SPTBN1: variants seen among roughly 807,000 people sequenced by gnomAD.
SPTBN1 encodes the protein spectrin beta, non-erythrocytic 1, also known as spectrin beta chain, non-erythrocytic 1.
In SPTBN1, 32 loss-of-function variants were observed where a neutral mutation model predicts 266.4. That is an observed-to-expected ratio of 0.12 (90% CI 0.09 to 0.16). The LOEUF (loss-of-function observed/expected upper bound fraction) is 0.16. Ranked by LOEUF, SPTBN1 falls within the 10% of genes least tolerant of loss-of-function variation. The pLI, the probability that SPTBN1 is intolerant of heterozygous loss-of-function variation, is 1.00. For synonymous variants in SPTBN1, 1,336 were observed against 1,162.2 expected, an observed-to-expected ratio of 1.15 and a Z score of -3.04; for missense variants, 2,296 against 3,067.1, an observed-to-expected ratio of 0.75 and a Z score of 5.94.
At chr2:54,608,912 A>G (rs1284341302) in intron 3 of SPTBN1, among the ~76,000 whole-genome samples, 1 of 152,146 alleles carries the variant, frequency 6.6e-6, no homozygotes. Context: ...TAAGCTAGGG[A>G]AAAGAAAATG....
chr2:54,628,787 A>C lies in SPTBN1; in HGVS notation c.1799-146A>C, dbSNP rs961139970. The stretch of plus-strand genomic sequence containing the variant: ...TAGTCAAGTTGTTAGAAGGTGCTCC[A>C]TTGCCTTATCGCATGGCCCTGCATT... On this transcript the variant is annotated intron_variant, in intron 13 of 35. Coordinates refer to ENST00000356805, the MANE Select transcript of SPTBN1 (RefSeq NM_003128.3). The surrounding 1 kb of genome is among the most constrained non-coding windows in gnomAD (Gnocchi z 4.3). The C allele has an allele frequency of 8.3e-6, 9 of 1,083,352 alleles. No homozygotes were observed. The highest frequency in any genetic ancestry group is 1.0e-5 in the Non-Finnish European group (8 of 778,740). 67.1% of individuals were successfully genotyped at this position (1,083,352 alleles called of 1,614,324 possible).
chr2:54,569,267 A>G (rs1409984446), intron 2 of SPTBN1, among the ~76,000 whole-genome samples: 1 of 152,178 alleles, frequency 6.6e-6, no homozygotes, highest in African/African-American at 2.4e-5. Flanking sequence ...TGAAAGCAGC[A>G]GTACTGGAGA....
intron 1 of SPTBN1, among the ~76,000 whole-genome samples, chr2:54,509,362 C>T (rs537753774): frequency 8.5e-5 from 13 of 152,050 alleles, no homozygotes; most frequent in Admixed American, 1.3e-4. Flanking sequence ...CTGAAGGAGC[C>T]GGGGAGCAGA....
intron 1 of SPTBN1, chr2:54,457,263 T>C (rs929836064): frequency 6.7e-6 from 1 of 150,230 alleles, no homozygotes; most frequent in African/African-American, 2.4e-5. Flanking sequence ...CACCCTCTCT[T>C]CAACAGGTTT....
intron 1 of SPTBN1, among the ~76,000 whole-genome samples, chr2:54,485,727 A>C (rs1041283186): frequency 7.4e-6 from 1 of 134,302 alleles, no homozygotes; most frequent in African/African-American, 2.9e-5. Flanking sequence ...CCCGGCCGCC[A>C]TCCCATCTAG....
chr2:54,667,698 T>C (rs1262115192), intron 35 of SPTBN1, 52 bp downstream of exon 35: 1 of 1,492,966 alleles, frequency 6.7e-7, no homozygotes, highest in Admixed American at 1.7e-5. Flanking sequence ...TGCAAGTGTT[T>C]GTGTGATGAT....
chr2:54,558,000 C>G (rs1475993006), intron 2 of SPTBN1: 2 of 985,304 alleles, frequency 2.0e-6, no homozygotes, highest in South Asian at 4.7e-5. Context: ...GTGAATGAGC[C>G]GCGCGGGCCC....
At chr2:54,527,610 T>TG in intron 2 of SPTBN1, 1 of 152,358 alleles carries the variant, frequency 6.6e-6, no homozygotes, top group East Asian at 1.9e-4. Context: ...AGGATCTAGT[T>TG]TCTTTCTCTC....
intron 2 of SPTBN1, among the ~76,000 whole-genome samples, chr2:54,576,191 A>T (rs1674465844): frequency 6.6e-6 from 1 of 150,742 alleles, no homozygotes; most frequent in Admixed American, 6.6e-5. Flanking sequence ...AGTAGCTGGG[A>T]TTACGGGTGC....
At chr2:54,539,244 T>C (rs1055302060) in intron 2 of SPTBN1, among the ~76,000 whole-genome samples, 8 of 152,222 alleles carry the variant, frequency 5.3e-5, no homozygotes, top group African/African-American at 1.9e-4. Flanking sequence ...TGAGTGCTTG[T>C]CAGACTGAAG....
At chr2:54,607,694 A>G (rs767715867) in intron 3 of SPTBN1, among the ~76,000 whole-genome samples, 3 of 152,218 alleles carry the variant, frequency 2.0e-5, no homozygotes, top group African/African-American at 4.8e-5. Flanking sequence ...GTGCCGTTTT[A>G]TATAAGCGAC....
chr2:54,483,791 AT>A (rs1668213371), intron 1 of SPTBN1, among the ~76,000 whole-genome samples: 1 of 152,106 alleles, frequency 6.6e-6, no homozygotes, highest in East Asian at 1.9e-4. Context: ...CTGTTTTGTC[AT>A]TGTCTGCTGT....
chr2:54,523,607 G>T (rs1424943835), intron 1 of SPTBN1, among the ~76,000 whole-genome samples: 3 of 152,202 alleles, frequency 2.0e-5, no homozygotes, highest in Admixed American at 1.3e-4. Context: ...GTTGCATGTG[G>T]CATGTGTGGT....
chr2:54,520,833 C>T (rs551059685), intron 1 of SPTBN1, among the ~76,000 whole-genome samples: 1 of 152,236 alleles, frequency 6.6e-6, no homozygotes, highest in East Asian at 1.9e-4. Context: ...TGAGCAAGTC[C>T]AGTGGAATCC....
intron 6 of SPTBN1, 28 bp downstream of exon 6, chr2:54,617,716 T>C: frequency 6.2e-7 from 1 of 1,607,754 alleles, no homozygotes; most frequent in South Asian, 1.1e-5. Context: ...ATCCTAGCAA[T>C]CGTGGGGTAA....
rs71408777 is a variant in SPTBN1, at chr2:54,594,833, C to CTTTTTTTTTTTTTTTTTTTTTTTT, written c.149-4241_149-4240insTTTTTTTTTTTTTTTTTTTTTTTT. Among the ~76,000 whole-genome samples, 22 of 104,676 alleles carry CTTTTTTTTTTTTTTTTTTTTTTTT rather than the reference C, an allele frequency of 2.1e-4. 2 individuals are homozygous for CTTTTTTTTTTTTTTTTTTTTTTTT. Among genetic ancestry groups the CTTTTTTTTTTTTTTTTTTTTTTTT allele is most frequent in the African/African-American group, 1.1e-3 (21 of 19,770 alleles). The allele number at this position is 104,676 out of a possible 152,430, so 68.7% of individuals were successfully genotyped here. A position where few individuals can be genotyped will look rare whatever the true frequency, so the allele number is the denominator to read the frequency against. On this transcript the variant is annotated intron_variant, in intron 2 of 35. Transcript: ENST00000356805. ...GATTCCATGACCCTCTGGTAAGTTT[C>CTTTTTTTTTTTTTTTTTTTTTTTT]TTTTTTTTTTTTTTTTTTGAGACAG...
intron 26 of SPTBN1, among the ~76,000 whole-genome samples, chr2:54,651,603 T>C (rs1419332458): frequency 6.6e-6 from 1 of 152,178 alleles, no homozygotes; most frequent in Non-Finnish European, 1.5e-5. Context: ...AGGTCTTGAG[T>C]GGTTATGCAA....
chr2:54,460,344 T>C (rs560548610), intron 1 of SPTBN1, among the ~76,000 whole-genome samples: 97 of 152,374 alleles, frequency 6.4e-4, no homozygotes, highest in African/African-American at 2.2e-3. Context: ...CTGTAAATTA[T>C]TTGTTTAATA....
Position 54,533,381 on chromosome 2 carries a change from TGTG to T in SPTBN1, c.148+6816_148+6818del. Among the ~76,000 whole-genome samples, 1 of 149,240 alleles carries T rather than the reference TGTG, an allele frequency of 6.7e-6. No individual in the cohort carries two copies. The highest frequency in any genetic ancestry group is 1.9e-4 in the East Asian group (1 of 5,168). ...GTGTGTGTGTGTGTGTGTGTGTGTGTGTGTGTGTGTGTGTCTAAACCATTTGAC... is the reference window on the plus strand; with the variant it reads ...GTGTGTGTGTGTGTGTGTGTGTGTGTTGTGTGTGTGTCTAAACCATTTGAC... On this transcript the variant is annotated intron_variant, in intron 2 of 35. Coordinates refer to ENST00000356805, the MANE Select transcript of SPTBN1 (RefSeq NM_003128.3). This position sits in a 1 kb window ranked among gnomAD's most constrained non-coding sequence, Gnocchi z 4.2.
Sources: gnomAD v4.1 joint callset for allele counts (sites outside exome capture counted in the v4.1 genomes callset) on GRCh38, gnomAD v4.1.1 for gene constraint, Gnocchi (gnomAD v3.1) non-coding constraint, MANE v1.5 for transcripts, NCBI Gene and HGNC (gene_info 2026-07-23, HGNC 2026-07-21) for gene names.